Variants in CDK14 observed in about 807,000 individuals in gnomAD.
CDK14 encodes the protein cyclin dependent kinase 14, also known as cyclin-dependent kinase 14.
In CDK14, 34 loss-of-function variants were observed where a neutral mutation model predicts 60.7. The observed-to-expected ratio is 0.56, with a 90% CI of 0.43 to 0.75. The LOEUF (loss-of-function observed/expected upper bound fraction) is 0.75. Ranked by LOEUF, CDK14 falls within the 30% of genes least tolerant of loss-of-function variation. CDK14 has a pLI of 0.00. For synonymous variants in CDK14, 197 were observed against 203.7 expected (o/e 0.97, Z 0.28); for missense variants, 482 against 564.1 (o/e 0.85, Z 1.47).
At chr7:90,636,572 C>T (rs1563024311) in intron 2 of CDK14, among the ~76,000 whole-genome samples, 1 of 151,750 alleles carries the variant, frequency 6.6e-6, no homozygotes, top group Non-Finnish European at 1.5e-5. Context: ...CAATGTTCAT[C>T]AAGGATATTG....
At chr7:90,887,255 T>C (rs1938718633) in intron 6 of CDK14, among the ~76,000 whole-genome samples, 1 of 152,188 alleles carries the variant, frequency 6.6e-6, no homozygotes, top group Admixed American at 6.5e-5. Context: ...AATGTTGGTG[T>C]GATCCTTTTC....
intron 3 of CDK14, among the ~76,000 whole-genome samples, chr7:90,738,746 T>C (rs1211062943): frequency 1.3e-5 from 2 of 152,142 alleles, no homozygotes; most frequent in Admixed American, 6.6e-5. Context: ...ACACCTGACA[T>C]CAAAAAGCCA....
intron 6 of CDK14, among the ~76,000 whole-genome samples, chr7:90,888,357 A>T (rs35114904): frequency 6.6e-6 from 1 of 152,100 alleles, no homozygotes; most frequent in Non-Finnish European, 1.5e-5. Flanking sequence ...TAAAAATAAT[A>T]ATAATAATAA....
chr7:91,020,181 A>C (rs1270096485), intron 10 of CDK14, among the ~76,000 whole-genome samples: 1 of 152,184 alleles, frequency 6.6e-6, no homozygotes, highest in African/African-American at 2.4e-5. Context: ...TTGACCAATC[A>C]AGTCAAACCT....
intron 4 of CDK14, among the ~76,000 whole-genome samples, chr7:90,778,875 C>CCTTCCTTCCTTG (rs1805171187): frequency 9.0e-6 from 1 of 111,230 alleles, no homozygotes; most frequent in South Asian, 3.2e-4. Context: ...TTCCTTCCTT[C>CCTTCCTTCCTTG]CTTCCTTCCT....
At chr7:91,143,580 G>A (rs921167699) in intron 14 of CDK14, among the ~76,000 whole-genome samples, 45 of 152,156 alleles carry the variant, frequency 3.0e-4, no homozygotes, top group African/African-American at 1.0e-3. Context: ...CATTAGCCAG[G>A]CGTGGTAGTG....
At chr7:90,987,729 A>T (rs1160875189) in intron 10 of CDK14, among the ~76,000 whole-genome samples, 1 of 152,080 alleles carries the variant, frequency 6.6e-6, no homozygotes, top group African/African-American at 2.4e-5. Flanking sequence ...AGAAAAAAAA[A>T]ATGCTTTTCC....
chr7:90,985,099 A>G (rs1795336236), intron 10 of CDK14, among the ~76,000 whole-genome samples: 1 of 152,182 alleles, frequency 6.6e-6, no homozygotes, highest in Admixed American at 6.5e-5. Flanking sequence ...TAGAGAGAGA[A>G]ACTGGGCGAG....
At chr7:91,068,469 CACA>C in intron 11 of CDK14, among the ~76,000 whole-genome samples, 1 of 152,226 alleles carries the variant, frequency 6.6e-6, no homozygotes, top group African/African-American at 2.4e-5. Context: ...TCTGAATTAC[CACA>C]GAAAGATTAA....
At chr7:91,166,826 C>A (rs571997574) in intron 14 of CDK14, among the ~76,000 whole-genome samples, 58 of 152,188 alleles carry the variant, frequency 3.8e-4, no homozygotes, top group Non-Finnish European at 7.3e-4. Flanking sequence ...GAGAGCTGGG[C>A]AGTCTCTGTG....
At chr7:90,709,206 C>G (rs1328331895) in intron 2 of CDK14, 1 of 276,558 alleles carries the variant, frequency 3.6e-6, no homozygotes, top group Admixed American at 5.2e-5. Flanking sequence ...TTAGACTTCT[C>G]ATCATACTCC....
chr7:91,203,109 A>T (rs1400028113), intron 14 of CDK14, among the ~76,000 whole-genome samples: 1 of 150,932 alleles, frequency 6.6e-6, no homozygotes, highest in Non-Finnish European at 1.5e-5. Context: ...CCTTTCAAAT[A>T]TAATGTCATG....
Position 90,875,193 on chromosome 7 carries a change from A to C in CDK14, c.639+11924A>C, listed in dbSNP as rs141994531. Among the ~76,000 whole-genome samples, 250 of 152,346 alleles carry C rather than the reference A, an allele frequency of 1.6e-3. 2 individuals carry two copies. Among genetic ancestry groups the C allele is most frequent in the Non-Finnish European group, 3.0e-3 (205 of 68,032 alleles). ...ATGTTGTAGCTTTTCTCAGTACTTC[A>C]TACTTCCTTAAGACTGAGTAATATT... On this transcript the variant is annotated intron_variant, in intron 6 of 14. Coordinates refer to ENST00000380050, the MANE Select transcript of CDK14 (RefSeq NM_001287135.2).
intron 2 of CDK14, among the ~76,000 whole-genome samples, chr7:90,610,298 CT>C (rs1404935144): frequency 6.6e-6 from 1 of 152,186 alleles, no homozygotes; most frequent in East Asian, 1.9e-4. Context: ...TACCTAGTGG[CT>C]GCCAAGAGCT....
At chr7:90,790,232 G>C (rs1002928965) in intron 4 of CDK14, among the ~76,000 whole-genome samples, 35 of 151,970 alleles carry the variant, frequency 2.3e-4, no homozygotes, top group African/African-American at 7.5e-4. Context: ...AGAAACAAAG[G>C]AACAGAGTTA....
At chr7:91,001,874 A>G (rs547467183) in intron 10 of CDK14, among the ~76,000 whole-genome samples, 4 of 152,352 alleles carry the variant, frequency 2.6e-5, no homozygotes, top group African/African-American at 9.6e-5. Flanking sequence ...GCATTACACT[A>G]TGTTTAAGCC....
intron 6 of CDK14, among the ~76,000 whole-genome samples, chr7:90,896,038 T>G (rs1792326860): frequency 6.6e-6 from 1 of 152,136 alleles, no homozygotes; most frequent in Admixed American, 6.5e-5. Flanking sequence ...CTATTTAATG[T>G]CTGCTATTAA....
intron 14 of CDK14, among the ~76,000 whole-genome samples, chr7:91,185,113 A>G (rs1321395591): frequency 6.7e-6 from 1 of 148,480 alleles, no homozygotes; most frequent in Middle Eastern, 3.2e-3. Flanking sequence ...AGTATCTCGT[A>G]TGTCCCAGAC....
At chr7:90,807,122 GTTCTCCCAGCACGC>G (rs755473056) in intron 5 of CDK14, among the ~76,000 whole-genome samples, 39 of 152,194 alleles carry the variant, frequency 2.6e-4, no homozygotes, top group Non-Finnish European at 5.1e-4. Context: ...GAGAGTAGTG[GTTCTCCCAGCACGC>G]AGCTGGAGAT....
Sources: gnomAD v4.1 joint callset for allele counts (sites outside exome capture counted in the v4.1 genomes callset) on GRCh38, gnomAD v4.1.1 for gene constraint, MANE v1.5 for transcripts, NCBI Gene and HGNC (gene_info 2026-07-23, HGNC 2026-07-21) for gene names.